Variants in MTR observed in about 807,000 individuals in gnomAD.
MTR encodes the protein methionine synthase.
MTR carries 84 observed loss-of-function variants against 154.8 expected under a neutral mutation model. The ratio of observed to expected loss-of-function variants is 0.54; its 90% CI spans 0.45 to 0.65. The LOEUF is 0.65. Ranked by LOEUF, MTR falls within the 30% of genes least tolerant of loss-of-function variation. The pLI is 0.00. For synonymous variants in MTR, 554 were observed against 553.9 expected, an observed-to-expected ratio of 1.00 and a Z score of 0.00; for missense variants, 1,275 against 1,570.2, an observed-to-expected ratio of 0.81 and a Z score of 3.18.
chr1:236,804,000 C>T (rs149730925), intron 2 of MTR, among the ~76,000 whole-genome samples: 65 of 152,270 alleles, frequency 4.3e-4, no homozygotes, highest in African/African-American at 1.4e-3. Flanking sequence ...TTAGCTTTGG[C>T]TGCTGTATTA....
At chr1:236,866,307 T>G (rs541796976) in intron 22 of MTR, among the ~76,000 whole-genome samples, 2 of 152,186 alleles carry the variant, frequency 1.3e-5, no homozygotes, top group African/African-American at 4.8e-5. Context: ...CTGTGATCAG[T>G]GATCAGTGTT....
chr1:236,854,905 CAGG>C (rs1236577819), intron 18 of MTR, among the ~76,000 whole-genome samples: 1 of 152,184 alleles, frequency 6.6e-6, no homozygotes, highest in Non-Finnish European at 1.5e-5. Context: ...ATAGCAATTG[CAGG>C]AGTTTAACAA....
chr1:236,895,247 G>A (rs41269359), intron 30 of MTR, 111 bp from the exon 31 acceptor site: 687 of 1,179,412 alleles, frequency 5.8e-4, no homozygotes, highest in Non-Finnish European at 7.7e-4. Flanking sequence ...CCCTGGCTGT[G>A]GTCCAGATGA....
At chr1:236,823,167 A>G (rs1013586181) in intron 8 of MTR, among the ~76,000 whole-genome samples, 2 of 152,194 alleles carry the variant, frequency 1.3e-5, no homozygotes, top group Admixed American at 6.5e-5. Flanking sequence ...TGACTATGGT[A>G]CTTTTGTAAA....
chr1:236,830,115 C>A (rs1662526051), intron 12 of MTR, among the ~76,000 whole-genome samples: 1 of 151,850 alleles, frequency 6.6e-6, no homozygotes, highest in South Asian at 2.1e-4. Flanking sequence ...GAACATAGCA[C>A]AGAATTAATC....
chr1:236,852,618 T>C lies in MTR; in HGVS notation c.1793T>C (p.Phe598Ser). ...ATTCGAGAAGCAATGCATGGGGTTT[T>C]CCTTTACCATGCAATCAAGGTATGG... The part of the protein sequence containing the change: ...EAIREAMHGV[F>S]LYHAIKSGMD... The change falls in exon 17 of 33, where the codon TTC becomes TCC. Residue 598 changes from phenylalanine to serine, a missense_variant. By Grantham distance (155) the Phe-to-Ser change is radical. Transcript: ENST00000366577. The C allele has an allele frequency of 6.2e-7, 1 of 1,613,682 alleles. No individual in the cohort carries two copies. The highest frequency in any genetic ancestry group is 1.3e-5 in the African/African-American group (1 of 75,022).
Position 236,795,590 on chromosome 1 carries a change from G to T in MTR, c.-114G>T. The T allele has an allele frequency of 6.3e-7, 1 of 1,592,702 alleles. No individual in the cohort carries two copies. The highest frequency in any genetic ancestry group is 8.5e-7 in the Non-Finnish European group (1 of 1,173,640). On this transcript the variant is annotated 5_prime_UTR_variant, in exon 1 of 33. Coordinates refer to ENST00000366577, the MANE Select transcript of MTR (RefSeq NM_000254.3). ...CCAACGGGAGGCGTCAAAAGACCCG[G>T]GCCTTGTGTGGCAGGCTCGCCTGGC...
rs1242109588 is a variant in MTR at position 236,902,579 on chromosome 1, G to T, written c.*4935G>T. On this transcript the variant is annotated 3_prime_UTR_variant, in exon 33 of 33. Transcript: ENST00000366577. ...GAGCAGACTGTAAAGCCTCATGAGG[G>T]CAGGGGCCCTGCCTCTTCCTGAGCT... The T allele has an allele frequency of 6.6e-6, 1 of 152,190 alleles. No individual in the cohort carries two copies. The highest frequency in any genetic ancestry group is 1.5e-5 in the Non-Finnish European group (1 of 68,052). 9.4% of individuals were successfully genotyped at this position (152,190 alleles called of 1,614,324 possible).
intron 27 of MTR, among the ~76,000 whole-genome samples, chr1:236,886,615 T>C (rs1411006130): frequency 6.6e-6 from 1 of 152,246 alleles, no homozygotes; most frequent in Non-Finnish European, 1.5e-5. Context: ...GACAACTCCA[T>C]AATGGACATG....
intron 22 of MTR, among the ~76,000 whole-genome samples, chr1:236,867,499 A>G (rs557839572): frequency 1.3e-5 from 2 of 152,338 alleles, no homozygotes; most frequent in African/African-American, 4.8e-5. Flanking sequence ...GCCTGCTAAC[A>G]CAACATCCAT....
At chr1:236,875,806 G>T (rs1490296824) in intron 24 of MTR, among the ~76,000 whole-genome samples, 1 of 151,868 alleles carries the variant, frequency 6.6e-6, no homozygotes, top group Non-Finnish European at 1.5e-5. Flanking sequence ...GTTGTTCAGA[G>T]GAACAGAATC....
In MTR at chr1:236,829,170, G is replaced by A. The variant is rs748892000; in HGVS notation, c.996-19G>A. On this transcript the variant is annotated intron_variant, in intron 11 of 32. Transcript: ENST00000366577. ...TTTATTCTGAATTAATGGATACAAT[G>A]TTTCCTCTTTCAACTCAGGGAAATT... The A allele has an allele frequency of 2.5e-6, 4 of 1,583,350 alleles. No homozygotes were observed. Among genetic ancestry groups the A allele is most frequent in the Non-Finnish European group, 1.7e-6 (2 of 1,152,158 alleles).
intron 15 of MTR, among the ~76,000 whole-genome samples, chr1:236,839,033 T>G (rs918017229): frequency 6.6e-6 from 1 of 152,228 alleles, no homozygotes; most frequent in African/African-American, 2.4e-5. Flanking sequence ...AGTAAAAATA[T>G]GGTATTATAA....
intron 24 of MTR, among the ~76,000 whole-genome samples, chr1:236,877,613 T>C (rs4659739): frequency 0.65 from 98,702 of 151,980 alleles, 32,313 homozygotes; most frequent in South Asian, 0.71. Flanking sequence ...CATTGTATAA[T>C]GTGCTGTGAC....
intron 15 of MTR, among the ~76,000 whole-genome samples, chr1:236,845,503 A>G (rs1436134794): frequency 1.3e-5 from 2 of 152,202 alleles, no homozygotes; most frequent in Non-Finnish European, 2.9e-5. Context: ...TCAAGAGACA[A>G]AAAATTGTTT....
intron 29 of MTR, among the ~76,000 whole-genome samples, chr1:236,893,955 T>G (rs1003161918): frequency 7.9e-5 from 12 of 152,136 alleles, no homozygotes; most frequent in African/African-American, 2.9e-4. Flanking sequence ...ATTGGATCTC[T>G]TTTGAACATG....
rs959360101 is a variant in MTR at position 236,828,254 on chromosome 1, T to C, written c.996-935T>C. ...GGCCTCCCAAAGTGCTGGGATTACA[T>C]GTGTGAGCCACCGCGCCTGGCCTAA... On this transcript the variant is annotated intron_variant, in intron 11 of 32. Coordinates refer to ENST00000366577, the MANE Select transcript of MTR (RefSeq NM_000254.3). 1.2e-4 allele frequency among the ~76,000 whole-genome samples: 19 copies of C among 152,262 alleles called. No homozygotes were observed. In the East Asian group the frequency reaches 1.5e-3, roughly 12 times the overall value.
intron 21 of MTR, 114 bp downstream of exon 21, chr1:236,862,457 T>C (rs1572284246): frequency 1.2e-6 from 1 of 802,714 alleles, no homozygotes; most frequent in Non-Finnish European, 2.2e-6. Flanking sequence ...GAGGATAAAA[T>C]AGAGAAATGA....
Position 236,897,721 on chromosome 1 carries a change from A to G in MTR, c.*77A>G, listed in dbSNP as rs1045296848. The G allele has an allele frequency of 1.2e-5, 16 of 1,282,774 alleles. No individual in the cohort carries two copies. In the African/African-American group the frequency reaches 1.9e-4, roughly 15 times the overall value. 79.5% of individuals were successfully genotyped at this position (1,282,774 alleles called of 1,614,324 possible). ...AACCTAGGGTGCCTTAAAAATAACA[A>G]CAACAAAAAACCTGTGTGCATCTGG... On this transcript the variant is annotated 3_prime_UTR_variant, in exon 33 of 33. Coordinates refer to ENST00000366577, the MANE Select transcript of MTR (RefSeq NM_000254.3).
Sources: gnomAD v4.1 joint callset for allele counts (sites outside exome capture counted in the v4.1 genomes callset) on GRCh38, gnomAD v4.1.1 for gene constraint, MANE v1.5 for transcripts, NCBI Gene and HGNC (gene_info 2026-07-23, HGNC 2026-07-21) for gene names.